CNKSR2: variants seen among roughly 807,000 people sequenced by gnomAD.
CNKSR2 encodes the protein CNK homolog protein 2.
Under a neutral mutation model 84.4 loss-of-function variants are expected in CNKSR2, and 14 were observed. That is an observed-to-expected ratio of 0.17 (90% CI 0.11 to 0.26). The LOEUF (loss-of-function observed/expected upper bound fraction) is 0.26, where lower values mean the gene tolerates loss of function less well. Among genes scored for constraint, CNKSR2 ranks in the 10% least tolerant of loss-of-function variants. CNKSR2 has a pLI of 1.00. For synonymous variants in CNKSR2, 275 were observed against 277.9 expected (o/e 0.99, Z 0.10); for missense variants, 485 against 771.2 (o/e 0.63, Z 4.40).
intron 6 of CNKSR2, chrX:21,494,989 C>T (rs1363450291): frequency 8.9e-6 from 1 of 112,159 alleles, no homozygotes; most frequent in Non-Finnish European, 1.9e-5. Context: ...TGTAAAATAT[C>T]AATCCCAGTT....
intron 15 of CNKSR2, chrX:21,591,460 T>C (rs1186159153): frequency 5.5e-6 from 1 of 181,964 alleles, no homozygotes; most frequent in Non-Finnish European, 1.0e-5. Context: ...AATGCGAAGC[T>C]AATCCAAGCA....
rs1190899005 is a variant in CNKSR2, at chrX:21,561,603, A to G, written c.1393+43A>G. 6 of 933,349 alleles carry G rather than the reference A, an allele frequency of 6.4e-6. No homozygotes were observed. The South Asian group carries it at 1.3e-4, about 20-fold the overall frequency. The allele number at this position is 933,349 out of a possible 1,213,427, so 76.9% of individuals were successfully genotyped here. A position where few individuals can be genotyped will look rare whatever the true frequency, so the allele number is the denominator to read the frequency against. ...TCAGTGTAGGCTGGGTTGTTTGAAC[A>G]ATAAGCAAATTTAAATGTTCTGTAA... On this transcript the variant is annotated intron_variant, in intron 12 of 21. Coordinates refer to ENST00000379510, the MANE Select transcript of CNKSR2 (RefSeq NM_014927.5).
At chrX:21,533,055 A>C (rs1194100569) in intron 11 of CNKSR2, among the ~76,000 whole-genome samples, 2 of 111,125 alleles carry the variant, frequency 1.8e-5, no homozygotes, top group African/African-American at 6.5e-5. Flanking sequence ...ATAAGTATGA[A>C]AGAAAAATTT....
chrX:21,417,303 T>G (rs1454467363), intron 1 of CNKSR2, among the ~76,000 whole-genome samples: 1 of 112,225 alleles, frequency 8.9e-6, no homozygotes, highest in Non-Finnish European at 1.9e-5. Context: ...TTAGTTTTTT[T>G]GAATGTTTTA....
intron 4 of CNKSR2, among the ~76,000 whole-genome samples, chrX:21,442,697 T>G (rs933082871): frequency 9.0e-6 from 1 of 111,635 alleles, no homozygotes; most frequent in African/African-American, 3.3e-5. Context: ...ACCTCAAAGT[T>G]TTTCTGAGAA....
chrX:21,432,589 T>G (rs761781542), intron 2 of CNKSR2, 23 bp from the exon 3 acceptor site: 5 of 1,023,622 alleles, frequency 4.9e-6, no homozygotes, highest in Admixed American at 5.3e-5. Context: ...TTAAATATAT[T>G]CTCTCTCTTT....
At chrX:21,617,912 C>G (rs1375075614) in intron 20 of CNKSR2, among the ~76,000 whole-genome samples, 1 of 71,939 alleles carries the variant, frequency 1.4e-5, no homozygotes, top group Non-Finnish European at 2.4e-5. Flanking sequence ...CACAAACACA[C>G]CCCCCCACAC....
At chrX:21,396,080 T>TTAACAGTTACAGGTTAGCAAGCA (rs2090118321) in intron 1 of CNKSR2, among the ~76,000 whole-genome samples, 1 of 111,121 alleles carries the variant, frequency 9.0e-6, no homozygotes, top group Non-Finnish European at 1.9e-5. Flanking sequence ...CTGAAAACTT[T>TTAACAGTTACAGGTTAGCAAGCA]TAACAGTTAC....
intron 13 of CNKSR2, among the ~76,000 whole-genome samples, chrX:21,588,454 T>C (rs1459915643): frequency 1.8e-5 from 2 of 112,107 alleles, no homozygotes; most frequent in African/African-American, 6.5e-5. Flanking sequence ...GTCAAGTCAA[T>C]TGGAAAAATA....
intron 4 of CNKSR2, among the ~76,000 whole-genome samples, chrX:21,462,898 G>C (rs1012540418): frequency 1.8e-5 from 2 of 109,230 alleles, no homozygotes; most frequent in African/African-American, 6.7e-5. Flanking sequence ...GTAGAGATGG[G>C]GTTTCACTGG....
rs188542379 is a variant in CNKSR2, at chrX:21,603,334, C to A, written c.2044+1985C>A. The stretch of plus-strand genomic sequence containing the variant: ...CTGAATGATTAGGTTGCATGGTATT[C>A]CATGTAGAAAACTACTAGATGCACA... On this transcript the variant is annotated intron_variant, in intron 18 of 21. Transcript: ENST00000379510. 7.1e-5 allele frequency among the ~76,000 whole-genome samples: 8 copies of A among 112,060 alleles called. No individual in the cohort carries two copies. The East Asian group carries it at 2.2e-3, about 31-fold the overall frequency.
At chrX:21,394,490 T>A (rs1167162993) in intron 1 of CNKSR2, among the ~76,000 whole-genome samples, 1 of 111,475 alleles carries the variant, frequency 9.0e-6, no homozygotes, top group Non-Finnish European at 1.9e-5. Flanking sequence ...CTTATTTGAG[T>A]CAAAAGACTA....
chrX:21,392,294 C>T (rs185526227), intron 1 of CNKSR2, among the ~76,000 whole-genome samples: 3 of 111,724 alleles, frequency 2.7e-5, no homozygotes, highest in African/African-American at 9.8e-5. Context: ...TCCTACATAC[C>T]AATTTTTTGT....
At chrX:21,376,734 TAA>T (rs1424151899) in intron 1 of CNKSR2, among the ~76,000 whole-genome samples, 1 of 112,165 alleles carries the variant, frequency 8.9e-6, no homozygotes, top group Non-Finnish European at 1.9e-5. Context: ...GCTGAAATAT[TAA>T]AAGACAAGCT....
chrX:21,531,156 ATGT>A (rs1459290531), intron 10 of CNKSR2, among the ~76,000 whole-genome samples: 5 of 111,016 alleles, frequency 4.5e-5, no homozygotes, highest in African/African-American at 1.6e-4. Flanking sequence ...AATTAATAAC[ATGT>A]TGTTTGAATT....
chrX:21,428,445 G>A (rs1409686570), intron 2 of CNKSR2: 1 of 111,659 alleles, frequency 9.0e-6, no homozygotes, highest in Non-Finnish European at 1.9e-5. Context: ...GGTTTATTTA[G>A]TCACTTGTTT....
At chrX:21,392,951 CTTGT>C (rs1022583436) in intron 1 of CNKSR2, among the ~76,000 whole-genome samples, 2 of 109,436 alleles carry the variant, frequency 1.8e-5, no homozygotes, top group African/African-American at 6.9e-5. Context: ...TAAGATCTTC[CTTGT>C]TTTTTAGTTT....
chrX:21,416,169 TA>T (rs2090419371), intron 1 of CNKSR2, among the ~76,000 whole-genome samples: 1 of 111,994 alleles, frequency 8.9e-6, no homozygotes, highest in South Asian at 3.7e-4. Flanking sequence ...TGAATTTTAT[TA>T]AATGCTTTTT....
intron 4 of CNKSR2, among the ~76,000 whole-genome samples, chrX:21,457,717 T>C (rs1399898235): frequency 8.9e-6 from 1 of 111,789 alleles, no homozygotes; most frequent in South Asian, 3.8e-4. Flanking sequence ...ACACTGCAAG[T>C]ACAGAATTAT....
Sources: gnomAD v4.1 joint callset for allele counts (sites outside exome capture counted in the v4.1 genomes callset) on GRCh38, gnomAD v4.1.1 for gene constraint, MANE v1.5 for transcripts, NCBI Gene and HGNC (gene_info 2026-07-23, HGNC 2026-07-21) for gene names.